The following SYNC variants were observed in gnomAD, a reference collection of about 807,000 sequenced individuals.
SYNC encodes syncoilin, intermediate filament protein.
Under a neutral mutation model 49.5 loss-of-function variants are expected in SYNC, and 38 were observed. The observed-to-expected ratio is 0.77, with a 90% CI of 0.59 to 1.01. The LOEUF is 1.01. SYNC is among the 50% of genes least tolerant of loss of function. SYNC has a pLI of 0.00. For missense variants in SYNC, 579 were observed against 580.6 expected (o/e 1.00, Z 0.03); for synonymous variants, 201 against 230.8 (o/e 0.87, Z 1.17).
rs11383471 is a variant in SYNC at position 32,687,361 on chromosome 1, CAA to C, written c.1234-2981_1234-2980del. ...GGGGGACAAGAGCGAGACTTCATCT[CAA>C]AAAAAAAAAAAAACCATAAAAGTGT... On this transcript the variant is annotated intron_variant, in intron 2 of 4. Coordinates refer to ENST00000409190, the MANE Select transcript of SYNC (RefSeq NM_030786.3). Among the ~76,000 whole-genome samples the C allele has an allele frequency of 1.5e-3, 184 of 123,564 alleles. 4 individuals carry two copies. The highest frequency in any genetic ancestry group is 0.013 in the Admixed American group (154 of 11,820). The allele number at this position is 123,564 out of a possible 152,430, so 81.1% of individuals were successfully genotyped here.
chr1:32,691,417 GT>G (rs1650159490), intron 2 of SYNC, among the ~76,000 whole-genome samples: 1 of 151,842 alleles, frequency 6.6e-6, no homozygotes, highest in South Asian at 2.1e-4. Flanking sequence ...CACGTCCATG[GT>G]GTTAGGCGCC....
Position 32,680,265 on chromosome 1 carries a change from T to C in SYNC, c.*1585A>G, listed in dbSNP as rs1649340748. On this transcript the variant is annotated 3_prime_UTR_variant, in exon 5 of 5. Coordinates refer to ENST00000409190, the MANE Select transcript of SYNC (RefSeq NM_030786.3). ...CAACACGTTCCTCTTTCCCCATATA[T>C]TCATATATTTTTGCTCGTTAGTGTA... is the stretch of plus-strand genomic sequence containing the variant. 8.2e-7 allele frequency: 1 copy of C among 1,223,206 alleles called. No homozygotes were observed. The highest frequency in any genetic ancestry group is 1.6e-5 in the African/African-American group (1 of 63,190). 75.8% of individuals were successfully genotyped at this position (1,223,206 alleles called of 1,614,324 possible). A position where few individuals can be genotyped will look rare whatever the true frequency, so the allele number is the denominator to read the frequency against.
chr1:32,701,353 T>G (rs1650662305), intron 1 of SYNC, among the ~76,000 whole-genome samples: 1 of 152,154 alleles, frequency 6.6e-6, no homozygotes, highest in Non-Finnish European at 1.5e-5. Context: ...ATCTTCACAC[T>G]TATTGCTCCA....
At chr1:32,693,640 A>C (rs1650270748) in intron 2 of SYNC, among the ~76,000 whole-genome samples, 1 of 152,166 alleles carries the variant, frequency 6.6e-6, no homozygotes, top group African/African-American at 2.4e-5. Context: ...GTAATACAAC[A>C]ATAAGTAAAA....
chr1:32,686,978 A>G (rs1649871471), intron 2 of SYNC, among the ~76,000 whole-genome samples: 1 of 152,192 alleles, frequency 6.6e-6, no homozygotes, highest in Non-Finnish European at 1.5e-5. Flanking sequence ...TAACTGCTTT[A>G]TATATTGCAT....
rs1262811108 is a variant in SYNC at position 32,684,488 on chromosome 1, G to A, written c.1234-106C>T. The A allele has an allele frequency of 3.6e-5, 54 of 1,499,414 alleles. No individual in the cohort carries two copies. In the South Asian group the frequency reaches 5.8e-4, roughly 16 times the overall value. 92.9% of individuals were successfully genotyped at this position (1,499,414 alleles called of 1,614,324 possible). A position where few individuals can be genotyped will look rare whatever the true frequency, so the allele number is the denominator to read the frequency against. ...TTTTGTTCATTGTTTAATCTTGATA[G>A]CAGTATTGAGGCTGGTATTTATATG... On this transcript the variant is annotated intron_variant, in intron 2 of 4. Coordinates refer to ENST00000409190, the MANE Select transcript of SYNC (RefSeq NM_030786.3).
intron 2 of SYNC, among the ~76,000 whole-genome samples, chr1:32,692,004 G>A (rs571292194): frequency 3.1e-4 from 47 of 152,162 alleles, no homozygotes; most frequent in Middle Eastern, 3.4e-3. Context: ...GAGGCGAGGC[G>A]GGCGGATCAC....
At chr1:32,682,775 AAAAG>A (rs1280697289) in intron 4 of SYNC, 17 of 152,200 alleles carry the variant, frequency 1.1e-4, no homozygotes, top group East Asian at 3.9e-4. Flanking sequence ...TCTCAAAAAA[AAAAG>A]AAAGTTGTGA....
In SYNC at chr1:32,681,277, G is replaced by A. The variant is rs1389221691; in HGVS notation, c.*573C>T. On this transcript the variant is annotated 3_prime_UTR_variant, in exon 5 of 5. Transcript: ENST00000409190. The stretch of plus-strand genomic sequence containing the variant: ...TCTTTTCAAGTCTAGTTGTTTTAGA[G>A]TATAGTGAGAAATACCTTGACACAA... The A allele has an allele frequency of 6.5e-6, 1 of 152,778 alleles. No homozygotes were observed. The highest frequency in any genetic ancestry group is 1.5e-5 in the Non-Finnish European group (1 of 68,486). 9.5% of individuals were successfully genotyped at this position (152,778 alleles called of 1,614,324 possible).
In SYNC at chr1:32,702,650, G is replaced by A. The variant is rs770914750; in HGVS notation, c.11C>T (p.Pro4Leu). ...GCCGTCCCCGCCGCGCCGGGGCTCC[G>A]GGCTGGCCATGGCTGCGCGACCCCG... Reference protein sequence around the residue: MASPEPRRGGDGAA... With the variant: MASLEPRRGGDGAA... Residue 4 changes from proline (P) to leucine (L), a missense_variant, in exon 1 of 5, where the codon CCG (proline) becomes CTG (leucine). Pro to Leu is a moderately conservative substitution (Grantham distance 98). Coordinates refer to ENST00000409190, the MANE Select transcript of SYNC (RefSeq NM_030786.3). The surrounding 1 kb of genome is among the most constrained non-coding windows in gnomAD (Gnocchi z 6.2). The A allele has an allele frequency of 2.5e-6, 3 of 1,207,766 alleles. No individual in the cohort carries two copies. The highest frequency in any genetic ancestry group is 4.4e-5 in the Admixed American group (1 of 22,838). The allele number at this position is 1,207,766 out of a possible 1,614,324, so 74.8% of individuals were successfully genotyped here.
chr1:32,697,224 C>G (rs1650472896), intron 1 of SYNC, among the ~76,000 whole-genome samples: 1 of 150,502 alleles, frequency 6.6e-6, no homozygotes, highest in South Asian at 2.1e-4. Context: ...GGCGGATCAC[C>G]TGAGGTCGGG....
intron 2 of SYNC, among the ~76,000 whole-genome samples, chr1:32,688,944 T>G (rs1025667367): frequency 1.3e-5 from 2 of 150,752 alleles, no homozygotes; most frequent in African/African-American, 4.9e-5. Flanking sequence ...CACACACTTT[T>G]TTTTTTCTTT....
At chr1:32,698,378 G>A (rs964656225) in intron 1 of SYNC, among the ~76,000 whole-genome samples, 2 of 152,184 alleles carry the variant, frequency 1.3e-5, no homozygotes, top group South Asian at 4.2e-4. Flanking sequence ...AATTAGCCAG[G>A]CGTGGTGGCG....
intron 2 of SYNC, among the ~76,000 whole-genome samples, chr1:32,687,315 C>T (rs917166619): frequency 2.0e-4 from 28 of 142,502 alleles, no homozygotes; most frequent in Admixed American, 1.8e-3. Flanking sequence ...GAGCTGAGAT[C>T]GTGCCATTGC....
chr1:32,693,101 G>C (rs1178636014), intron 2 of SYNC, among the ~76,000 whole-genome samples: 1 of 110,926 alleles, frequency 9.0e-6, no homozygotes, highest in Non-Finnish European at 1.9e-5. Context: ...GTTTGTTTTT[G>C]AGATGGAGTC....
At chr1:32,697,089 C>T (rs1650465958) in intron 1 of SYNC, among the ~76,000 whole-genome samples, 1 of 152,102 alleles carries the variant, frequency 6.6e-6, no homozygotes, top group South Asian at 2.1e-4. Flanking sequence ...CCTGATTCTT[C>T]CTTCTAGGAT....
chr1:32,687,186 C>A (rs1317662203), intron 2 of SYNC, among the ~76,000 whole-genome samples: 1 of 151,786 alleles, frequency 6.6e-6, no homozygotes, highest in Non-Finnish European at 1.5e-5. Flanking sequence ...ATGGTGAAAC[C>A]CAGCCTCTAC....
At chr1:32,683,798 A>AT (rs1357041874) in intron 4 of SYNC, 1 of 519,252 alleles carries the variant, frequency 1.9e-6, no homozygotes, top group African/African-American at 1.9e-5. Flanking sequence ...ATGCCCGGCT[A>AT]ATTTTTGTAT....
At position 32,680,090 on chromosome 1, in the gene SYNC, A is replaced by C. The variant is rs1649328059; in HGVS notation, c.*1760T>G. On this transcript the variant is annotated 3_prime_UTR_variant, in exon 5 of 5. Coordinates refer to ENST00000409190, the MANE Select transcript of SYNC (RefSeq NM_030786.3). ...GGTAGGTGTCTGAGCCATGAAGTATAAATACTGAAAGATGTCACTTTTATT... is the reference window on the plus strand; with the variant it reads ...GGTAGGTGTCTGAGCCATGAAGTATCAATACTGAAAGATGTCACTTTTATT... The C allele has an allele frequency of 1.9e-6, 2 of 1,066,338 alleles. No homozygotes were observed. Among genetic ancestry groups the C allele is most frequent in the Non-Finnish European group, 2.3e-6 (2 of 883,110 alleles). The allele number at this position is 1,066,338 out of a possible 1,614,324, so 66.1% of individuals were successfully genotyped here.
Sources: allele counts gnomAD v4.1 joint callset (sites outside exome capture counted in the v4.1 genomes callset), GRCh38; gene constraint gnomAD v4.1.1; non-coding constraint Gnocchi (gnomAD v3.1); transcripts MANE v1.5; gene names NCBI Gene and HGNC (gene_info 2026-07-23, HGNC 2026-07-21).